FHAD1: variants seen among roughly 807,000 people sequenced by gnomAD.
The protein encoded by FHAD1 is forkhead-associated domain-containing protein 1.
In FHAD1, 146 loss-of-function variants were observed where a neutral mutation model predicts 191.3. The observed-to-expected ratio is 0.76, with a 90% CI of 0.67 to 0.88. The LOEUF (loss-of-function observed/expected upper bound fraction) is 0.88. Among genes scored for constraint, FHAD1 ranks in the 40% least tolerant of loss-of-function variants. FHAD1 has a pLI of 0.00. For missense variants in FHAD1, 1,635 were observed against 1,785.8 expected, an observed-to-expected ratio of 0.92 and a Z score of 1.52; for synonymous variants, 616 against 672.3, an observed-to-expected ratio of 0.92 and a Z score of 1.29.
At chr1:15,273,205 G>A (rs944475640) in intron 3 of FHAD1, among the ~76,000 whole-genome samples, 9 of 152,102 alleles carry the variant, frequency 5.9e-5, no homozygotes, top group South Asian at 2.1e-4. Flanking sequence ...TCATACAAAG[G>A]TATTTATTGA....
chr1:15,325,064 G>A lies in FHAD1; in HGVS notation c.1473+505G>A, dbSNP rs1677896154. ...TGAGCCACTCCGACCTGGTCTGGAG[G>A]TGCTGTTTCTTTGATGCTGTGGCCT... On this transcript the variant is annotated intron_variant, in intron 11 of 33. Transcript: ENST00000688493. The surrounding 1 kb of genome is among the most constrained non-coding windows in gnomAD (Gnocchi z 4.6). 1.9e-5 allele frequency: 3 copies of A among 156,180 alleles called. No individual in the cohort carries two copies. In the South Asian group the frequency reaches 5.9e-4, roughly 31 times the overall value. The allele number at this position is 156,180 out of a possible 1,614,324, so 9.7% of individuals were successfully genotyped here.
At chr1:15,303,947 T>C (rs905891117) in intron 6 of FHAD1, among the ~76,000 whole-genome samples, 2 of 152,242 alleles carry the variant, frequency 1.3e-5, no homozygotes, top group African/African-American at 4.8e-5. Context: ...TGATACTTTA[T>C]AACAAAGCAT....
At chr1:15,387,555 C>T (rs887184056) in intron 31 of FHAD1, among the ~76,000 whole-genome samples, 1 of 151,990 alleles carries the variant, frequency 6.6e-6, no homozygotes, top group African/African-American at 2.4e-5. Context: ...TTGAGACCAG[C>T]CTGGGCAACA....
intron 19 of FHAD1, among the ~76,000 whole-genome samples, chr1:15,350,206 G>T (rs544873465): frequency 6.6e-6 from 1 of 152,250 alleles, no homozygotes; most frequent in African/African-American, 2.4e-5. Flanking sequence ...CACAGACACC[G>T]CAGTGAGCAA....
intron 23 of FHAD1, among the ~76,000 whole-genome samples, chr1:15,364,906 C>T (rs578094522): frequency 2.5e-4 from 38 of 152,324 alleles, no homozygotes; most frequent in African/African-American, 9.1e-4. Flanking sequence ...AGCCTCCCTC[C>T]CATCAACCAT....
At chr1:15,370,972 G>A (rs1160543610) in intron 26 of FHAD1, among the ~76,000 whole-genome samples, 1 of 152,170 alleles carries the variant, frequency 6.6e-6, no homozygotes, top group African/African-American at 2.4e-5. Flanking sequence ...TTGAACGAAA[G>A]GGCTCGAGGT....
intron 4 of FHAD1, among the ~76,000 whole-genome samples, chr1:15,293,508 G>A (rs518943): frequency 0.74 from 112,424 of 152,006 alleles, 42,168 homozygotes; most frequent in Non-Finnish European, 0.8. Context: ...TCACAAGGTC[G>A]GGAGTCTGAG....
At chr1:15,263,226 G>T (rs1463822787) in intron 2 of FHAD1, among the ~76,000 whole-genome samples, 1 of 152,068 alleles carries the variant, frequency 6.6e-6, no homozygotes, top group Non-Finnish European at 1.5e-5. Flanking sequence ...TATGTGATTT[G>T]TAAATATTTT....
chr1:15,385,746 G>T (rs1701963950), intron 31 of FHAD1, among the ~76,000 whole-genome samples: 1 of 152,196 alleles, frequency 6.6e-6, no homozygotes, highest in Non-Finnish European at 1.5e-5. Context: ...CTGCCCTCCA[G>T]CCTGGGCAAC....
chr1:15,382,002 A>C, intron 30 of FHAD1, 26 bp from the exon 31 acceptor site: 1 of 1,549,126 alleles, frequency 6.5e-7, no homozygotes, highest in East Asian at 2.5e-5. Context: ...AGGGAAAAAC[A>C]GACGCCATCT....
intron 3 of FHAD1, among the ~76,000 whole-genome samples, chr1:15,277,208 C>G (rs959005775): frequency 1.1e-4 from 16 of 152,290 alleles, no homozygotes; most frequent in African/African-American, 3.6e-4. Flanking sequence ...TGGATGCAGT[C>G]CTTCGACCCT....
intron 10 of FHAD1, among the ~76,000 whole-genome samples, chr1:15,323,285 G>A (rs1047674128): frequency 1.3e-5 from 2 of 152,188 alleles, no homozygotes; most frequent in African/African-American, 4.8e-5. Flanking sequence ...CCAGAGCTGG[G>A]GCTGGGGGCG....
intron 31 of FHAD1, chr1:15,383,043 A>T (rs1411465425): frequency 2.1e-6 from 1 of 465,876 alleles, no homozygotes; most frequent in Non-Finnish European, 4.4e-6. Flanking sequence ...CTGGTATCTC[A>T]TCTGTAGCAT....
At chr1:15,257,577 G>A (rs755472792) in intron 2 of FHAD1, among the ~76,000 whole-genome samples, 29 of 152,258 alleles carry the variant, frequency 1.9e-4, no homozygotes, top group Non-Finnish European at 3.5e-4. Flanking sequence ...CTCACCAGGC[G>A]TCCTGCGCTC....
downstream of FHAD1, among the ~76,000 whole-genome samples, chr1:15,401,108 C>T (rs1707114949): frequency 6.6e-6 from 1 of 152,184 alleles, no homozygotes; most frequent in South Asian, 2.1e-4. Context: ...CTTTGTATCA[C>T]TCAAGATCCC....
intron 1 of FHAD1, among the ~76,000 whole-genome samples, chr1:15,237,658 A>G (rs979911370): frequency 6.6e-6 from 1 of 152,206 alleles, no homozygotes; most frequent in African/African-American, 2.4e-5. Context: ...AGAAGGGACA[A>G]TCTTTGAGAC....
At chr1:15,396,623 A>G (rs138271162) in intron 33 of FHAD1, among the ~76,000 whole-genome samples, 3 of 152,234 alleles carry the variant, frequency 2.0e-5, no homozygotes, top group Non-Finnish European at 4.4e-5. Context: ...AACTTGACCA[A>G]CATGGTGAAA....
chr1:15,292,930 TA>T (rs1665398910), intron 4 of FHAD1, among the ~76,000 whole-genome samples: 1 of 152,172 alleles, frequency 6.6e-6, no homozygotes, highest in Non-Finnish European at 1.5e-5. Flanking sequence ...TCTCTATTTT[TA>T]AAAGAAAGAA....
intron 2 of FHAD1, among the ~76,000 whole-genome samples, chr1:15,254,421 A>G (rs374754907): frequency 1.3e-5 from 2 of 152,224 alleles, no homozygotes; most frequent in Non-Finnish European, 2.9e-5. Flanking sequence ...AAATGCATAT[A>G]AAGTACCTGG....
Sources: allele counts gnomAD v4.1 joint callset (sites outside exome capture counted in the v4.1 genomes callset), GRCh38; gene constraint gnomAD v4.1.1; non-coding constraint Gnocchi (gnomAD v3.1); transcripts MANE v1.5; gene names NCBI Gene and HGNC (gene_info 2026-07-23, HGNC 2026-07-21).